The following TMEM120B variants were observed in gnomAD, a reference collection of about 807,000 sequenced individuals.
The protein encoded by TMEM120B is transmembrane protein 120B.
A neutral mutation model predicts 55.5 loss-of-function variants in TMEM120B; 31 were observed. The observed-to-expected ratio is 0.56, with a 90% CI of 0.42 to 0.75. The LOEUF (loss-of-function observed/expected upper bound fraction) is 0.75. Among genes scored for constraint, TMEM120B ranks in the 30% least tolerant of loss-of-function variants. The probability of loss-of-function intolerance (pLI) is 0.00; values close to 1 mark genes in which losing one functional copy is unlikely to be tolerated. For synonymous variants in TMEM120B, 203 were observed against 176.3 expected (o/e 1.15, Z -1.20); for missense variants, 399 against 425.5 (o/e 0.94, Z 0.55).
Position 121,775,701 on chromosome 12 carries a change from A to C in TMEM120B, c.999A>C (p.Arg333Ser), listed in dbSNP as rs747794554. The C allele has an allele frequency of 8.7e-6, 14 of 1,614,050 alleles. No individual in the cohort carries two copies. The South Asian group carries it at 1.5e-4, about 18-fold the overall frequency. ...TGCATGCCAAGCTCCAGAAGAACAG[A>C]GGCAAGACAAAGCAGCCGTGAGCCT... ...KVVHAKLQKN[R>S]GKTKQP is the part of the protein sequence containing the mutation. The change falls in exon 12 of 12, where the codon AGA becomes AGC. Residue 333 changes from arginine (R) to serine (S), a missense_variant. Physicochemically the swap from Arg to Ser is moderately radical, Grantham distance 110. Transcript: ENST00000449592. The surrounding 1 kb of genome is among the most constrained non-coding windows in gnomAD (Gnocchi z 4.3).
At chr12:121,762,271 CAAA>C (rs796129443) in intron 6 of TMEM120B, among the ~76,000 whole-genome samples, 10 of 117,200 alleles carry the variant, frequency 8.5e-5, no homozygotes, top group South Asian at 2.7e-4. Context: ...GACTCTGTCT[CAAA>C]AAAAAAAAAA....
chr12:121,757,816 G>A (rs1460764195), intron 5 of TMEM120B, among the ~76,000 whole-genome samples: 6 of 151,936 alleles, frequency 3.9e-5, no homozygotes, highest in Admixed American at 2.0e-4. Flanking sequence ...ACGCCCAGCC[G>A]ATTTTTTTGT....
At chr12:121,762,876 GCCATGTAT>G (rs1336242213) in intron 6 of TMEM120B, among the ~76,000 whole-genome samples, 2 of 152,192 alleles carry the variant, frequency 1.3e-5, no homozygotes, top group Non-Finnish European at 2.9e-5. Context: ...CCCTGGGCAA[GCCATGTAT>G]CCTCTTTGGA....
chr12:121,779,407 G>T lies in TMEM120B; in HGVS notation c.*3685G>T. On this transcript the variant is annotated 3_prime_UTR_variant, in exon 12 of 12. Transcript: ENST00000449592. Reference sequence around the variant, plus strand: ...CCGCAGGCCCCAGACACCATGAGCTGGAGGGTCGGGATGGGGCAGCCTCCC... The same window carrying T: ...CCGCAGGCCCCAGACACCATGAGCTTGAGGGTCGGGATGGGGCAGCCTCCC... 7.2e-7 allele frequency: 1 copy of T among 1,381,612 alleles called. No individual in the cohort carries two copies. The highest frequency in any genetic ancestry group is 9.9e-7 in the Non-Finnish European group (1 of 1,006,338). 85.6% of individuals were successfully genotyped at this position (1,381,612 alleles called of 1,614,324 possible).
chr12:121,749,893 G>A (rs149581218), intron 3 of TMEM120B, among the ~76,000 whole-genome samples: 3,018 of 146,910 alleles, frequency 0.021, 53 homozygotes, highest in Non-Finnish European at 0.03. Flanking sequence ...GTGACAGACC[G>A]AGACTCTGTC....
chr12:121,718,024 C>A (rs1428463828), intron 1 of TMEM120B, among the ~76,000 whole-genome samples: 1 of 152,166 alleles, frequency 6.6e-6, no homozygotes, highest in Non-Finnish European at 1.5e-5. Flanking sequence ...TTCTTGAGTT[C>A]AGGTCCTAGC....
intron 1 of TMEM120B, among the ~76,000 whole-genome samples, chr12:121,728,540 A>G (rs11043184): frequency 0.48 from 72,941 of 151,000 alleles, 19,667 homozygotes; most frequent in African/African-American, 0.75. Context: ...GGCTTGTGTC[A>G]AACCCCTGAC....
intron 1 of TMEM120B, among the ~76,000 whole-genome samples, chr12:121,733,468 T>A (rs1009213525): frequency 1.3e-4 from 19 of 151,570 alleles, no homozygotes; most frequent in African/African-American, 4.6e-4. Context: ...ATGGGTTTGA[T>A]CTCCTGACCT....
At chr12:121,741,111 C>T (rs1430320999) in intron 1 of TMEM120B, among the ~76,000 whole-genome samples, 1 of 152,082 alleles carries the variant, frequency 6.6e-6, no homozygotes, top group Non-Finnish European at 1.5e-5. Flanking sequence ...AAACCCATTT[C>T]TGTCTTACTG....
chr12:121,755,193 C>T (rs1007427017), intron 5 of TMEM120B, among the ~76,000 whole-genome samples: 2 of 152,298 alleles, frequency 1.3e-5, no homozygotes, highest in South Asian at 2.1e-4. Flanking sequence ...TGGCTAGGCT[C>T]CCCACCCGGA....
chr12:121,749,194 C>T (rs1330061224), intron 3 of TMEM120B, among the ~76,000 whole-genome samples: 2 of 152,184 alleles, frequency 1.3e-5, no homozygotes, highest in East Asian at 1.9e-4. Context: ...CCCATTCCTC[C>T]GAGCTTCTCC....
At chr12:121,773,346 C>A in intron 8 of TMEM120B, 75 bp from the exon 9 acceptor site, 1 of 1,389,664 alleles carries the variant, frequency 7.2e-7, no homozygotes, top group Non-Finnish European at 1.0e-6. Context: ...TCAGCCTGTG[C>A]TTGGGGCAGA....
chr12:121,746,428 C>G (rs563222294), intron 2 of TMEM120B, among the ~76,000 whole-genome samples: 1 of 152,160 alleles, frequency 6.6e-6, no homozygotes, highest in Non-Finnish European at 1.5e-5. Context: ...CTCAGGTGAT[C>G]GGCCCACCTC....
At chr12:121,773,853 A>T (rs1874145268) in intron 9 of TMEM120B, among the ~76,000 whole-genome samples, 1 of 152,080 alleles carries the variant, frequency 6.6e-6, no homozygotes, top group African/African-American at 2.4e-5. Flanking sequence ...CGGGGGAGAC[A>T]TGCCTCACTC....
intron 6 of TMEM120B, among the ~76,000 whole-genome samples, chr12:121,763,979 A>G (rs533103430): frequency 6.6e-6 from 1 of 152,242 alleles, no homozygotes; most frequent in East Asian, 1.9e-4. Flanking sequence ...TGAGGGCAAC[A>G]GGAAGTTTCA....
chr12:121,734,807 GGA>G (rs1895073590), intron 1 of TMEM120B, among the ~76,000 whole-genome samples: 1 of 151,976 alleles, frequency 6.6e-6, no homozygotes, highest in Non-Finnish European at 1.5e-5. Context: ...CAGGTACTTT[GGA>G]GGCTGAGGCA....
intron 1 of TMEM120B, among the ~76,000 whole-genome samples, chr12:121,713,946 C>T (rs1454932962): frequency 6.6e-6 from 1 of 152,174 alleles, no homozygotes; most frequent in Non-Finnish European, 1.5e-5. Context: ...CCATGTACCT[C>T]TTGTCTGCAG....
At chr12:121,753,562 C>T (rs1186050637) in intron 5 of TMEM120B, among the ~76,000 whole-genome samples, 2 of 150,770 alleles carry the variant, frequency 1.3e-5, no homozygotes, top group African/African-American at 5.0e-5. Context: ...CAGAGCGAGA[C>T]CTTGTCTCAA....
intron 6 of TMEM120B, among the ~76,000 whole-genome samples, chr12:121,762,371 T>C (rs899219464): frequency 1.3e-5 from 2 of 152,158 alleles, no homozygotes; most frequent in African/African-American, 2.4e-5. Flanking sequence ...GTTGTGTTTA[T>C]CTCAGGCTGC....
Sources: gnomAD v4.1 joint callset for allele counts (sites outside exome capture counted in the v4.1 genomes callset) on GRCh38, gnomAD v4.1.1 for gene constraint, Gnocchi (gnomAD v3.1) non-coding constraint, MANE v1.5 for transcripts, NCBI Gene and HGNC (gene_info 2026-07-23, HGNC 2026-07-21) for gene names.